The following E2F3 variants were observed in gnomAD, a reference collection of about 807,000 sequenced individuals.
The protein encoded by E2F3 is transcription factor E2F3.
Under a neutral mutation model 44.4 loss-of-function variants are expected in E2F3, and 11 were observed. The observed-to-expected ratio is 0.25, with a 90% CI of 0.16 to 0.41. The LOEUF (loss-of-function observed/expected upper bound fraction) is 0.41. Among genes scored for constraint, E2F3 ranks in the 10% least tolerant of loss-of-function variants. The pLI is 1.00. For synonymous variants in E2F3, 249 were observed against 253.0 expected (o/e 0.98, Z 0.15); for missense variants, 487 against 583.6 (o/e 0.83, Z 1.70).
At chr6:20,471,956 C>T (rs1243333383) in intron 1 of E2F3, among the ~76,000 whole-genome samples, 1 of 150,924 alleles carries the variant, frequency 6.6e-6, no homozygotes, top group African/African-American at 2.4e-5. Flanking sequence ...TTTAATTTTT[C>T]TCCTTTATAT....
At chr6:20,459,687 C>T (rs1212661773) in intron 1 of E2F3, among the ~76,000 whole-genome samples, 5 of 151,996 alleles carry the variant, frequency 3.3e-5, no homozygotes, top group East Asian at 1.9e-4. Context: ...CCAGACTCTT[C>T]GTCCCAGCAC....
chr6:20,463,659 C>T (rs951109676), intron 1 of E2F3, among the ~76,000 whole-genome samples: 1 of 152,194 alleles, frequency 6.6e-6, no homozygotes, highest in African/African-American at 2.4e-5. Flanking sequence ...GTTTCTCCTA[C>T]TGTAGTTTCA....
intron 1 of E2F3, among the ~76,000 whole-genome samples, chr6:20,430,198 T>A (rs1760353313): frequency 6.6e-6 from 1 of 152,218 alleles, no homozygotes; most frequent in Admixed American, 6.5e-5. Context: ...AACAAATAAC[T>A]TTTTTAGTAT....
intron 1 of E2F3, among the ~76,000 whole-genome samples, chr6:20,464,441 C>G (rs1761634933): frequency 1.3e-5 from 2 of 152,196 alleles, no homozygotes; most frequent in African/African-American, 2.4e-5. Context: ...TGATAGAACT[C>G]TTCTGGGCAC....
At chr6:20,431,761 C>G (rs894869300) in intron 1 of E2F3, among the ~76,000 whole-genome samples, 21 of 152,302 alleles carry the variant, frequency 1.4e-4, no homozygotes, top group African/African-American at 4.8e-4. Context: ...TTGTCTCAGC[C>G]TCTGTTTTTG....
At position 20,485,736 on chromosome 6, in the gene E2F3, C is replaced by T. The variant is rs138134252; in HGVS notation, c.885-953C>T. On this transcript the variant is annotated intron_variant, in intron 4 of 6. Coordinates refer to ENST00000346618, the MANE Select transcript of E2F3 (RefSeq NM_001949.5). Reference sequence around the variant, plus strand: ...TATTGATAGAGTTAATATAGTATCACGCAAAGCATAATTTTTCTAACAGAA... The same window carrying T: ...TATTGATAGAGTTAATATAGTATCATGCAAAGCATAATTTTTCTAACAGAA... Among the ~76,000 whole-genome samples, 1,167 of 152,286 alleles carry T rather than the reference C, an allele frequency of 7.7e-3. 7 individuals are homozygous for T. Among genetic ancestry groups the T allele is most frequent in the Middle Eastern group, 0.017 (5 of 294 alleles).
chr6:20,481,074 A>G lies in E2F3; in HGVS notation c.506-132A>G. ...CTATGACTTGCCAACACCAACAGCA[A>G]CGACAGCCTTGCTTCAGATACTAAT... On this transcript the variant is annotated intron_variant, in intron 2 of 6. Coordinates refer to ENST00000346618, the MANE Select transcript of E2F3 (RefSeq NM_001949.5). 3.7e-6 allele frequency: 3 copies of G among 806,098 alleles called. No homozygotes were observed. In the South Asian group the frequency reaches 5.6e-5, roughly 15 times the overall value. 49.9% of individuals were successfully genotyped at this position (806,098 alleles called of 1,614,324 possible).
chr6:20,452,857 G>A (rs1761175900), intron 1 of E2F3, among the ~76,000 whole-genome samples: 1 of 152,152 alleles, frequency 6.6e-6, no homozygotes, highest in South Asian at 2.1e-4. Flanking sequence ...AGGAAGCTGA[G>A]GCAGGAGAAT....
chr6:20,414,661 G>A (rs538194695), intron 1 of E2F3, among the ~76,000 whole-genome samples: 6 of 152,180 alleles, frequency 3.9e-5, no homozygotes, highest in African/African-American at 1.4e-4. Context: ...TAATTTTGTC[G>A]CTATGTTGGG....
intron 1 of E2F3, among the ~76,000 whole-genome samples, chr6:20,412,017 C>T (rs1759690792): frequency 1.3e-5 from 2 of 152,254 alleles, no homozygotes; most frequent in Admixed American, 6.5e-5. Context: ...CCCATTAGTC[C>T]TATTGGGGAT....
At chr6:20,455,178 A>G (rs991704668) in intron 1 of E2F3, among the ~76,000 whole-genome samples, 1 of 152,240 alleles carries the variant, frequency 6.6e-6, no homozygotes, top group African/African-American at 2.4e-5. Context: ...GACTTGCTTG[A>G]AGCTGAAATC....
chr6:20,480,182 T>G (rs1247320846), intron 2 of E2F3: 2 of 572,220 alleles, frequency 3.5e-6, no homozygotes, highest in African/African-American at 4.1e-5. Context: ...TTTAACTGTA[T>G]GTAGTTTCAT....
intron 1 of E2F3, among the ~76,000 whole-genome samples, chr6:20,457,348 CTTTTTTTTTT>C (rs60238519): frequency 3.7e-5 from 4 of 109,486 alleles, no homozygotes; most frequent in East Asian, 5.4e-4. Flanking sequence ...CTTATTTTTT[CTTTTTTTTTT>C]TTTTTTTTTT....
intron 1 of E2F3, among the ~76,000 whole-genome samples, chr6:20,462,775 T>C (rs1761556896): frequency 1.3e-5 from 2 of 151,214 alleles, no homozygotes; most frequent in African/African-American, 4.9e-5. Context: ...CTAATTCCTA[T>C]AGTTACACAA....
chr6:20,446,754 G>A (rs1760958886), intron 1 of E2F3, among the ~76,000 whole-genome samples: 1 of 152,108 alleles, frequency 6.6e-6, no homozygotes, highest in Admixed American at 6.5e-5. Flanking sequence ...TTTTAGTAGA[G>A]ACAGGGTTTC....
At chr6:20,482,597 AAAATATAT>A (rs1464549461) in intron 3 of E2F3, among the ~76,000 whole-genome samples, 157 bp from the exon 4 acceptor site, 3 of 119,030 alleles carry the variant, frequency 2.5e-5, no homozygotes, top group Non-Finnish European at 5.3e-5. Flanking sequence ...TATGAAAAAA[AAAATATAT>A]ATATATATAT....
chr6:20,490,129 C>A lies in E2F3; in HGVS notation c.1136-39C>A. On this transcript the variant is annotated intron_variant, in intron 6 of 6. Coordinates refer to ENST00000346618, the MANE Select transcript of E2F3 (RefSeq NM_001949.5). This position sits in a 1 kb window ranked among gnomAD's most constrained non-coding sequence, Gnocchi z 4.3. ...TTCCAGAAAAATTCATTTGATTTTT[C>A]TAACTTATTTTTTGTTTCCATCAAT... The A allele has an allele frequency of 6.5e-7, 1 of 1,531,888 alleles. No homozygotes were observed. Among genetic ancestry groups the A allele is most frequent in the Non-Finnish European group, 8.8e-7 (1 of 1,139,242 alleles). 94.9% of individuals were successfully genotyped at this position (1,531,888 alleles called of 1,614,324 possible).
At chr6:20,458,244 T>C (rs1309833937) in intron 1 of E2F3, among the ~76,000 whole-genome samples, 3 of 152,162 alleles carry the variant, frequency 2.0e-5, no homozygotes, top group African/African-American at 7.2e-5. Flanking sequence ...AGAATGAGAG[T>C]GGAGGAATTT....
At chr6:20,446,151 A>C (rs1436830212) in intron 1 of E2F3, among the ~76,000 whole-genome samples, 1 of 151,930 alleles carries the variant, frequency 6.6e-6, no homozygotes, top group Admixed American at 6.5e-5. Flanking sequence ...TTTTTTCCTC[A>C]TTAATGTTAT....
Sources: gnomAD v4.1 joint callset for allele counts (sites outside exome capture counted in the v4.1 genomes callset) on GRCh38, gnomAD v4.1.1 for gene constraint, Gnocchi (gnomAD v3.1) non-coding constraint, MANE v1.5 for transcripts, NCBI Gene and HGNC (gene_info 2026-07-23, HGNC 2026-07-21) for gene names.